The following MAN2A2 variants were observed in gnomAD, a reference collection of about 807,000 sequenced individuals.
MAN2A2 encodes the protein mannosidase alpha class 2A member 2.
Under a neutral mutation model 126.8 loss-of-function variants are expected in MAN2A2, and 79 were observed. The observed-to-expected ratio is 0.62, with a 90% CI of 0.52 to 0.75. MAN2A2 has a LOEUF of 0.75. Among genes scored for constraint, MAN2A2 ranks in the 30% least tolerant of loss-of-function variants. The probability of loss-of-function intolerance (pLI) is 0.00; values close to 1 mark genes in which losing one functional copy is unlikely to be tolerated. For synonymous variants in MAN2A2, 671 were observed against 618.7 expected (o/e 1.08, Z -1.25); for missense variants, 1,392 against 1,522.4 (o/e 0.91, Z 1.43).
chr15:90,918,348 G>A lies in MAN2A2; in HGVS notation c.3149G>A (p.Cys1050Tyr). 6.2e-7 allele frequency: 1 copy of A among 1,614,150 alleles called. No homozygotes were observed. The highest frequency in any genetic ancestry group is 1.1e-5 in the South Asian group (1 of 91,072). Reference protein sequence around the residue: ...SFHPLASSLPCDFHLLNLRTL... With the variant: ...SFHPLASSLPYDFHLLNLRTL... ...CATCCTCTGGCTTCCTCACTGCCCT[G>A]TGACTTCCACCTGCTCAACCTACGT... The change falls in exon 21 of 23, where the codon TGT becomes TAT. Residue 1050 changes from cysteine (C) to tyrosine (Y), a missense_variant. Coordinates refer to ENST00000559717, the MANE Select transcript of MAN2A2 (RefSeq NM_006122.4).
chr15:90,914,425 A>G (rs910939529), intron 19 of MAN2A2, among the ~76,000 whole-genome samples: 1 of 152,256 alleles, frequency 6.6e-6, no homozygotes, highest in African/African-American at 2.4e-5. Context: ...GACAGCTTGT[A>G]AAGTGCACTC....
In MAN2A2 at chr15:90,907,354, A is replaced by G; in HGVS notation, c.1055A>G (p.Tyr352Cys). 6.2e-7 allele frequency: 1 copy of G among 1,614,144 alleles called. No individual in the cohort carries two copies. The highest frequency in any genetic ancestry group is 8.5e-7 in the Non-Finnish European group (1 of 1,180,012). Residue 352 changes from tyrosine (Y) to cysteine (C), a missense_variant, in exon 8 of 23, where the codon TAC (tyrosine) becomes TGC (cysteine). By Grantham distance (194) the Tyr-to-Cys change is radical (BLOSUM62 -2). Transcript: ENST00000559717. ...TDIFCHMMPFYSYDVPHTCGP... is the reference protein window; with the variant it reads ...TDIFCHMMPFCSYDVPHTCGP... ...ATCTTCTGTCACATGATGCCCTTCT[A>G]CAGCTATGACGTCCCCCATACCTGT...
At chr15:90,906,964 G>A in intron 7 of MAN2A2, 51 bp downstream of exon 7, 3 of 1,590,904 alleles carry the variant, frequency 1.9e-6, no homozygotes, top group Non-Finnish European at 2.6e-6. Context: ...CTTCACTGGG[G>A]AACAGCAGGG....
At chr15:90,917,269 G>A (rs1312635942) in intron 20 of MAN2A2, among the ~76,000 whole-genome samples, 2 of 152,234 alleles carry the variant, frequency 1.3e-5, no homozygotes, top group African/African-American at 4.8e-5. Context: ...CTTGGCTGGT[G>A]CTGGGCTAGA....
chr15:90,918,388 G>C lies in MAN2A2; in HGVS notation c.3189G>C (p.Glu1063Asp). The C allele has an allele frequency of 6.2e-7, 1 of 1,612,922 alleles. No individual in the cohort carries two copies. Among genetic ancestry groups the C allele is most frequent in the South Asian group, 1.1e-5 (1 of 90,986 alleles). ...HLLNLRTLQA[E>D]EDTLPSAETA... ...TCAACCTACGTACGCTCCAGGCTGAGGTGAGTGTCCCTCAGCGTGACATGC... is the reference window on the plus strand; with the variant it reads ...TCAACCTACGTACGCTCCAGGCTGACGTGAGTGTCCCTCAGCGTGACATGC... Residue 1063 changes from glutamate to aspartate, a missense_variant and splice_region_variant, in exon 21 of 23, where the codon GAG (glutamate) becomes GAC (aspartate). Transcript: ENST00000559717.
In MAN2A2 at chr15:90,922,085, A is replaced by G. The variant is rs766847690; in HGVS notation, c.*2298A>G. On this transcript the variant is annotated 3_prime_UTR_variant, in exon 23 of 23. Coordinates refer to ENST00000559717, the MANE Select transcript of MAN2A2 (RefSeq NM_006122.4). Reference sequence around the variant, plus strand: ...AGATATAATAAGGGAAAAGATAAGCAGATTTCGCAACCAAAAAATATCGAA... The same window carrying G: ...AGATATAATAAGGGAAAAGATAAGCGGATTTCGCAACCAAAAAATATCGAA... 1.1e-4 allele frequency: 16 copies of G among 152,254 alleles called. No individual in the cohort carries two copies. The highest frequency in any genetic ancestry group is 2.2e-4 in the Non-Finnish European group (15 of 68,052). 9.4% of individuals were successfully genotyped at this position (152,254 alleles called of 1,614,324 possible).
chr15:90,910,796 C>T, intron 11 of MAN2A2, 51 bp from the exon 12 acceptor site: 1 of 1,599,430 alleles, frequency 6.3e-7, no homozygotes, highest in Non-Finnish European at 8.6e-7. Flanking sequence ...ACAAGGCAGA[C>T]AGCTTCCCTA....
rs149819873 is a variant in MAN2A2, at chr15:90,910,096, T to C, written c.1381T>C (p.Phe461Leu). 3.7e-6 allele frequency: 6 copies of C among 1,611,222 alleles called. No individual in the cohort carries two copies. The highest frequency in any genetic ancestry group is 1.3e-5 in the African/African-American group (1 of 74,756). The change falls in exon 10 of 23, where the codon TTT becomes CTT. Residue 461 changes from phenylalanine (F) to leucine (L), a missense_variant. Physicochemically the swap from Phe to Leu is conservative, Grantham distance 22. Coordinates refer to ENST00000559717, the MANE Select transcript of MAN2A2 (RefSeq NM_006122.4). ...SRPNLHVQAQ[F>L]GTLSDYFDAL... is the part of the protein sequence containing the mutation. The stretch of plus-strand genomic sequence containing the variant: ...GTTTTTGGGGTTCCCACAGGCCCAG[T>C]TTGGCACTCTTTCTGACTATTTTGA...
chr15:90,912,523 G>A lies in MAN2A2; in HGVS notation c.2347-19G>A. 2 of 1,612,150 alleles carry A rather than the reference G, an allele frequency of 1.2e-6. No homozygotes were observed. Among genetic ancestry groups the A allele is most frequent in the South Asian group, 2.2e-5 (2 of 90,836 alleles). The stretch of plus-strand genomic sequence containing the variant: ...CATGCTGGTGTGGGGCCAGGGGTCA[G>A]GGCTGTGTTTTTTGGCAGAGCATCC... On this transcript the variant is annotated intron_variant, in intron 15 of 22. Transcript: ENST00000559717.
chr15:90,906,198 G>T (rs943814919), intron 5 of MAN2A2, among the ~76,000 whole-genome samples, 172 bp from the exon 6 acceptor site: 3 of 152,226 alleles, frequency 2.0e-5, no homozygotes, highest in African/African-American at 7.2e-5. Flanking sequence ...AGCGGGGCCA[G>T]GATAGCCTGG....
intron 9 of MAN2A2, among the ~76,000 whole-genome samples, 170 bp downstream of exon 9, chr15:90,909,674 G>A (rs1368861989): frequency 1.3e-5 from 2 of 151,426 alleles, no homozygotes; most frequent in Non-Finnish European, 2.9e-5. Flanking sequence ...CGCGATCTTG[G>A]CTCACTGCCA....
chr15:90,913,778 G>A (rs766368296), intron 19 of MAN2A2, 23 bp downstream of exon 19: 3 of 1,570,750 alleles, frequency 1.9e-6, no homozygotes, highest in Non-Finnish European at 2.6e-6. Context: ...CAGGAGTTCT[G>A]CAGAGGGTAT....
chr15:90,921,699 A>G lies in MAN2A2; in HGVS notation c.*1912A>G, dbSNP rs2035549419. Reference sequence around the variant, plus strand: ...TTTGGGAGGCCAAGGTGGGTGGATCACTTGAGGTCAGGAGTTCGAGACCAG... The same window carrying G: ...TTTGGGAGGCCAAGGTGGGTGGATCGCTTGAGGTCAGGAGTTCGAGACCAG... On this transcript the variant is annotated 3_prime_UTR_variant, in exon 23 of 23. Transcript: ENST00000559717. 6.6e-6 allele frequency: 1 copy of G among 152,246 alleles called. No individual in the cohort carries two copies. Among genetic ancestry groups the G allele is most frequent in the Non-Finnish European group, 1.5e-5 (1 of 68,062 alleles). The allele number at this position is 152,246 out of a possible 1,614,324, so 9.4% of individuals were successfully genotyped here.
intron 19 of MAN2A2, among the ~76,000 whole-genome samples, chr15:90,914,613 G>A (rs540202276): frequency 4.9e-4 from 75 of 152,164 alleles, no homozygotes; most frequent in African/African-American, 1.8e-3. Context: ...TCCGCCTTCC[G>A]ATTTGAAGCG....
intron 14 of MAN2A2, chr15:90,911,751 T>A (rs2034763363): frequency 1.6e-6 from 1 of 631,882 alleles, no homozygotes; most frequent in African/African-American, 1.8e-5. Context: ...GGAAGGTTGG[T>A]ATGGTAATAG....
chr15:90,910,462 A>G, intron 10 of MAN2A2, 39 bp from the exon 11 acceptor site: 1 of 1,609,234 alleles, frequency 6.2e-7, no homozygotes. Flanking sequence ...GGCCCTGGCT[A>G]GTGGTGCAGG....
In MAN2A2 at chr15:90,916,391, G is replaced by T. The variant is rs561865665; in HGVS notation, c.2994+135G>T. The T allele has an allele frequency of 7.7e-5, 98 of 1,265,712 alleles. No individual in the cohort carries two copies. In the Admixed American group the frequency reaches 1.3e-3, roughly 17 times the overall value. 78.4% of individuals were successfully genotyped at this position (1,265,712 alleles called of 1,614,324 possible). ...GAGAGTAGGGCTGAATTCCTGGGGT[G>T]GGGGGAGGCAGTCTGGCGTTTTGTG... On this transcript the variant is annotated intron_variant, in intron 20 of 22. Coordinates refer to ENST00000559717, the MANE Select transcript of MAN2A2 (RefSeq NM_006122.4).
At position 90,911,173 on chromosome 15, in the gene MAN2A2, T is replaced by TG; in HGVS notation, c.1879dup (p.Asp627GlyfsTer74). 2 of 1,613,988 alleles carry TG rather than the reference T, an allele frequency of 1.2e-6. No homozygotes were observed. The highest frequency in any genetic ancestry group is 1.7e-6 in the Non-Finnish European group (2 of 1,179,986). On this transcript the variant is annotated frameshift_variant, in exon 13 of 23. Transcript: ENST00000559717. LOFTEE classifies it high-confidence loss of function. ...CCTTCCGGCTCACTGAATTCCAGGA[T>TG]GACACTCGCTTAAGTCACGACGCCC...
intron 2 of MAN2A2, among the ~76,000 whole-genome samples, chr15:90,904,654 A>C (rs2034119707): frequency 6.7e-6 from 1 of 150,022 alleles, no homozygotes; most frequent in Admixed American, 6.7e-5. Flanking sequence ...CAGTGGCGCG[A>C]TCTTGGCTCA....
Sources: allele counts gnomAD v4.1 joint callset (sites outside exome capture counted in the v4.1 genomes callset), GRCh38; gene constraint gnomAD v4.1.1; transcripts MANE v1.5; gene names NCBI Gene and HGNC (gene_info 2026-07-23, HGNC 2026-07-21).